MAOB: variants seen among roughly 807,000 people sequenced by gnomAD.
The protein encoded by MAOB is monoamine oxidase B.
In MAOB, 15 loss-of-function variants were observed where a neutral mutation model predicts 41.9. The ratio of observed to expected loss-of-function variants is 0.36; its 90% CI spans 0.24 to 0.55. The LOEUF (loss-of-function observed/expected upper bound fraction) is 0.55. MAOB is among the 20% of genes least tolerant of loss of function. The pLI, the probability that MAOB is intolerant of heterozygous loss-of-function variation, is 0.86. For synonymous variants in MAOB, 167 were observed against 144.2 expected, an observed-to-expected ratio of 1.16 and a Z score of -1.13; for missense variants, 345 against 398.7, an observed-to-expected ratio of 0.87 and a Z score of 1.15.
chrX:43,771,620 C>T lies in MAOB; in HGVS notation c.1236-2202G>A, dbSNP rs181369034. ...GTGTTGATTAAACAATGCCGTTTTT[C>T]ACTACATGTTTACTTTTTTTTCAAT... is the stretch of plus-strand genomic sequence containing the variant. On this transcript the variant is annotated intron_variant, in intron 12 of 14. Transcript: ENST00000378069. Among the ~76,000 whole-genome samples, 358 of 109,019 alleles carry T rather than the reference C, an allele frequency of 3.3e-3. 2 individuals are homozygous for T. Among genetic ancestry groups the T allele is most frequent in the African/African-American group, 0.012 (343 of 29,365 alleles). The allele number at this position is 109,019 out of a possible 115,157, so 94.7% of individuals were successfully genotyped here.
intron 3 of MAOB, chrX:43,837,932 A>C (rs747674613): frequency 3.0e-6 from 1 of 331,147 alleles, no homozygotes. Context: ...TGCTGGAAAA[A>C]CAGAGGAGCA....
chrX:43,856,232 C>T (rs1169938859), intron 1 of MAOB, among the ~76,000 whole-genome samples: 5 of 110,517 alleles, frequency 4.5e-5, no homozygotes, highest in Admixed American at 9.6e-5. Context: ...TACAGGTACA[C>T]GCCACCATGA....
At chrX:43,807,143 C>T (rs1287224446) in intron 3 of MAOB, among the ~76,000 whole-genome samples, 1 of 111,879 alleles carries the variant, frequency 8.9e-6, no homozygotes, top group Non-Finnish European at 1.9e-5. Context: ...TGCATGCTGA[C>T]CTGAAAACCT....
chrX:43,862,546 A>C (rs1182473670), intron 1 of MAOB, among the ~76,000 whole-genome samples: 1 of 112,421 alleles, frequency 8.9e-6, no homozygotes, highest in Non-Finnish European at 1.9e-5. Flanking sequence ...ACATACACTA[A>C]TACCACACAG....
chrX:43,826,052 T>C (rs1258667062), intron 3 of MAOB, among the ~76,000 whole-genome samples: 2 of 112,662 alleles, frequency 1.8e-5, no homozygotes, highest in East Asian at 5.5e-4. Context: ...TTTTTCTATA[T>C]ATTTTATTTG....
Position 43,795,666 on chromosome X carries a change from T to C in MAOB, c.768+73A>G, listed in dbSNP as rs758503056. On this transcript the variant is annotated intron_variant, in intron 7 of 14. Coordinates refer to ENST00000378069, the MANE Select transcript of MAOB (RefSeq NM_000898.5). Reference sequence around the variant, plus strand: ...TCAAAGGACATCACTCTGGAGATTCTAAGAATTTTTAAAGTTGTATGCCAG... The same window carrying C: ...TCAAAGGACATCACTCTGGAGATTCCAAGAATTTTTAAAGTTGTATGCCAG... 9 of 927,697 alleles carry C rather than the reference T, an allele frequency of 9.7e-6. No individual in the cohort carries two copies. In the African/African-American group the frequency reaches 1.8e-4, roughly 18 times the overall value. 76.5% of individuals were successfully genotyped at this position (927,697 alleles called of 1,213,427 possible).
chrX:43,834,978 G>A (rs2035056241), intron 3 of MAOB, among the ~76,000 whole-genome samples: 1 of 112,122 alleles, frequency 8.9e-6, no homozygotes, highest in Non-Finnish European at 1.9e-5. Flanking sequence ...TTCAGACCTA[G>A]AGCAGTTTCA....
At chrX:43,877,955 G>GT (rs993994097) in intron 1 of MAOB, among the ~76,000 whole-genome samples, 8 of 112,446 alleles carry the variant, frequency 7.1e-5, no homozygotes, top group African/African-American at 2.6e-4. Flanking sequence ...AGAAATGCCT[G>GT]TTTTTGCTCC....
At chrX:43,803,197 G>A in intron 4 of MAOB, 103 bp downstream of exon 4, 1 of 660,114 alleles carries the variant, frequency 1.5e-6, no homozygotes, top group South Asian at 4.9e-5. Context: ...TAGTTACCAT[G>A]TGTTCACAAT....
intron 3 of MAOB, among the ~76,000 whole-genome samples, chrX:43,810,617 T>TA (rs2034735326): frequency 2.7e-5 from 3 of 111,176 alleles, no homozygotes; most frequent in African/African-American, 9.8e-5. Context: ...AAAAAGAATG[T>TA]AAAAAAGTTA....
chrX:43,846,925 C>CA (rs944487509), intron 1 of MAOB, among the ~76,000 whole-genome samples: 25 of 108,807 alleles, frequency 2.3e-4, no homozygotes, highest in African/African-American at 6.0e-4. Context: ...AATACTATTG[C>CA]AAAAAAAAAT....
chrX:43,836,153 A>T (rs139117751), intron 3 of MAOB, among the ~76,000 whole-genome samples: 9 of 112,206 alleles, frequency 8.0e-5, no homozygotes, highest in Middle Eastern at 4.6e-3. Flanking sequence ...AAATTCCCAA[A>T]GTACTGCTTT....
intron 1 of MAOB, among the ~76,000 whole-genome samples, chrX:43,845,049 C>A (rs1217616795): frequency 1.8e-5 from 2 of 112,311 alleles, no homozygotes; most frequent in Non-Finnish European, 3.8e-5. Context: ...TGACAAAGGA[C>A]AAAGCATAGT....
chrX:43,778,596 C>G, intron 11 of MAOB, 86 bp downstream of exon 11: 1 of 755,246 alleles, frequency 1.3e-6, no homozygotes, highest in Admixed American at 3.0e-5. Context: ...CTTCAGGACC[C>G]AACTTGCATT....
intron 3 of MAOB, among the ~76,000 whole-genome samples, chrX:43,811,233 G>A (rs1442680769): frequency 9.0e-6 from 1 of 111,092 alleles, no homozygotes; most frequent in Non-Finnish European, 1.9e-5. Flanking sequence ...CCTCTGTTCT[G>A]GAGGTAAAGA....
In MAOB at chrX:43,767,444, T is replaced by A; in HGVS notation, c.*22A>T. ...TCCCAAATACAGTAAGAAGAGAGTG[T>A]GATTACAGACACCCTCTCTCTTTAG... On this transcript the variant is annotated 3_prime_UTR_variant, in exon 15 of 15. Transcript: ENST00000378069. The A allele has an allele frequency of 8.4e-7, 1 of 1,194,640 alleles. No homozygotes were observed.
chrX:43,856,594 A>G (rs1046681928), intron 1 of MAOB, among the ~76,000 whole-genome samples: 1 of 112,148 alleles, frequency 8.9e-6, no homozygotes, highest in Non-Finnish European at 1.9e-5. Context: ...CGTTAGTCTT[A>G]CTGATAACAT....
At chrX:43,780,273 AAGGG>A in intron 10 of MAOB, 65 bp downstream of exon 10, 4 of 878,807 alleles carry the variant, frequency 4.6e-6, no homozygotes, top group Non-Finnish European at 4.9e-6. Context: ...AGAAAGAGAA[AAGGG>A]AGGGAGGGAT....
chrX:43,785,193 T>C (rs147081805), intron 8 of MAOB, among the ~76,000 whole-genome samples: 173 of 113,113 alleles, frequency 1.5e-3, no homozygotes, highest in African/African-American at 4.8e-3. Flanking sequence ...GTAGCCACCT[T>C]TGTCAATGTT....
Sources: allele counts gnomAD v4.1 joint callset (sites outside exome capture counted in the v4.1 genomes callset), GRCh38; gene constraint gnomAD v4.1.1; transcripts MANE v1.5; gene names NCBI Gene and HGNC (gene_info 2026-07-23, HGNC 2026-07-21).